Variants in ATP6V1C1 observed in about 807,000 individuals in gnomAD.
ATP6V1C1 encodes V-type proton ATPase subunit C 1.
Under a neutral mutation model 53.9 loss-of-function variants are expected in ATP6V1C1, and 45 were observed. The observed-to-expected ratio is 0.83, with a 90% CI of 0.66 to 1.07. The LOEUF (loss-of-function observed/expected upper bound fraction) is 1.07. Among genes scored for constraint, ATP6V1C1 ranks in the 50% least tolerant of loss-of-function variants. ATP6V1C1 has a pLI of 0.00. For missense variants in ATP6V1C1, 315 were observed against 440.3 expected (o/e 0.72, Z 2.55); for synonymous variants, 153 against 155.2 (o/e 0.99, Z 0.11).
intron 1 of ATP6V1C1, among the ~76,000 whole-genome samples, chr8:103,031,084 A>G (rs1816789270): frequency 6.6e-6 from 1 of 152,226 alleles, no homozygotes; most frequent in Non-Finnish European, 1.5e-5. Flanking sequence ...GAAGACAGCA[A>G]AGTCCAGTGA....
intron 12 of ATP6V1C1, 140 bp from the exon 13 acceptor site, chr8:103,068,512 G>A: frequency 1.9e-6 from 1 of 533,844 alleles, no homozygotes. Context: ...TGGGAATAAT[G>A]TCTAACTCAG....
intron 3 of ATP6V1C1, among the ~76,000 whole-genome samples, chr8:103,044,108 C>T (rs1378145343): frequency 4.6e-5 from 7 of 151,824 alleles, no homozygotes; most frequent in African/African-American, 1.5e-4. Context: ...AGGCTGGTCT[C>T]GAACTCCTGA....
intron 3 of ATP6V1C1, among the ~76,000 whole-genome samples, chr8:103,047,325 T>G (rs1817115076): frequency 6.6e-6 from 1 of 151,282 alleles, no homozygotes. Flanking sequence ...GAGGATCGCT[T>G]GAGCCCAGAT....
Position 103,048,919 on chromosome 8 carries a change from A to G in ATP6V1C1, c.250A>G (p.Lys84Glu), listed in dbSNP as rs765170881. The G allele has an allele frequency of 5.0e-6, 8 of 1,613,292 alleles. No homozygotes were observed. The East Asian group carries it at 1.6e-4, about 32-fold the overall frequency. ...CATGGCTGATGTATTGGAAGATAGC[A>G]AAGACAAAGTTCAAGAGAATCTGTT... ...QYMADVLEDS[K>E]DKVQENLLAN... Residue 84 changes from lysine (K) to glutamate (E), a missense_variant, in exon 4 of 13, where the codon AAA becomes GAA. Coordinates refer to ENST00000518738, the MANE Select transcript of ATP6V1C1 (RefSeq NM_001695.5).
intron 1 of ATP6V1C1, among the ~76,000 whole-genome samples, chr8:103,040,193 C>T (rs1036147125): frequency 1.3e-5 from 2 of 151,298 alleles, no homozygotes; most frequent in African/African-American, 4.9e-5. Context: ...TGTGGTGGAT[C>T]ACTTGAGGCC....
intron 8 of ATP6V1C1, among the ~76,000 whole-genome samples, chr8:103,057,960 T>G (rs1398388303): frequency 6.6e-6 from 1 of 152,128 alleles, no homozygotes; most frequent in African/African-American, 2.4e-5. Context: ...TTTAGGGCAT[T>G]AGAGCCGTAG....
In ATP6V1C1 at chr8:103,031,985, C is replaced by T. The variant is rs996653423; in HGVS notation, c.-39-8813C>T. On this transcript the variant is annotated intron_variant, in intron 1 of 12. Transcript: ENST00000518738. ...GGATAGGCAGGTTTTTCACATGCTA[C>T]AGAAAGCATATATTGTAAAAAAAAA... Among the ~76,000 whole-genome samples the T allele has an allele frequency of 1.1e-4, 17 of 149,224 alleles. No individual in the cohort carries two copies. In the Admixed American group the frequency reaches 1.1e-3, roughly 10 times the overall value.
intron 3 of ATP6V1C1, 72 bp from the exon 4 acceptor site, chr8:103,048,798 A>G (rs1038813741): frequency 2.3e-6 from 3 of 1,284,946 alleles, no homozygotes; most frequent in African/African-American, 3.0e-5. Flanking sequence ...TCTTTATGTA[A>G]TATGTTCATT....
intron 1 of ATP6V1C1, among the ~76,000 whole-genome samples, chr8:103,027,107 G>A (rs959289263): frequency 3.3e-5 from 5 of 152,110 alleles, no homozygotes; most frequent in African/African-American, 1.2e-4. Context: ...TAAATGTTTC[G>A]CACAGATCAA....
In ATP6V1C1 at chr8:103,053,926, G is replaced by C; in HGVS notation, c.516G>C (p.Lys172Asn). 1 of 1,611,508 alleles carries C rather than the reference G, an allele frequency of 6.2e-7. No individual in the cohort carries two copies. Among genetic ancestry groups the C allele is most frequent in the Non-Finnish European group, 8.5e-7 (1 of 1,178,604 alleles). Residue 172 changes from lysine to asparagine, a missense_variant, in exon 7 of 13, where the codon AAG becomes AAC. By Grantham distance (94) the Lys-to-Asn change is moderately conservative (BLOSUM62 0). Coordinates refer to ENST00000518738, the MANE Select transcript of ATP6V1C1 (RefSeq NM_001695.5). ...GAAGTCTAGCAGAAATTGTGAAGAA[G>C]GATGACTTTGTTCTTGATTCAGAGT... Reference protein sequence around the residue: ...LTRSLAEIVKKDDFVLDSEYL... With the variant: ...LTRSLAEIVKNDDFVLDSEYL...
chr8:103,061,537 C>T (rs775479413), intron 8 of ATP6V1C1, among the ~76,000 whole-genome samples: 5 of 152,056 alleles, frequency 3.3e-5, no homozygotes, highest in Non-Finnish European at 7.4e-5. Flanking sequence ...CATTGTAAAA[C>T]TGAACATTAA....
chr8:103,041,826 C>T (rs1156591867), intron 2 of ATP6V1C1, among the ~76,000 whole-genome samples: 2 of 152,110 alleles, frequency 1.3e-5, no homozygotes, highest in Non-Finnish European at 2.9e-5. Flanking sequence ...GAGCCAAGAT[C>T]ATACCACTGC....
chr8:103,065,205 TA>T (rs1446610762), intron 11 of ATP6V1C1, among the ~76,000 whole-genome samples: 1 of 152,194 alleles, frequency 6.6e-6, no homozygotes, highest in East Asian at 1.9e-4. Context: ...TTGAGATATT[TA>T]AAAAATCATA....
intron 1 of ATP6V1C1, among the ~76,000 whole-genome samples, chr8:103,039,093 A>G (rs1172703544): frequency 2.6e-5 from 4 of 152,226 alleles, no homozygotes; most frequent in African/African-American, 9.6e-5. Context: ...ATAGTTTCTT[A>G]ACATTCATTT....
At chr8:103,034,497 A>G (rs1020672098) in intron 1 of ATP6V1C1, among the ~76,000 whole-genome samples, 27 of 152,220 alleles carry the variant, frequency 1.8e-4, no homozygotes, top group African/African-American at 6.0e-4. Flanking sequence ...ATGAATAAAG[A>G]CATACATATT....
rs569566401 is a variant in ATP6V1C1 at position 103,072,121 on chromosome 8, C to T, written c.*3374C>T. 8.5e-5 allele frequency: 13 copies of T among 152,318 alleles called. No homozygotes were observed. The highest frequency in any genetic ancestry group is 1.9e-4 in the African/African-American group (8 of 41,572). The allele number at this position is 152,318 out of a possible 1,614,324, so 9.4% of individuals were successfully genotyped here. On this transcript the variant is annotated 3_prime_UTR_variant, in exon 13 of 13. Coordinates refer to ENST00000518738, the MANE Select transcript of ATP6V1C1 (RefSeq NM_001695.5). ...AACACATTCCACACTTTGAAATCTT[C>T]GTGGAACAAAAGATATTTGTGGAAC...
chr8:103,045,424 T>C (rs1451690339), intron 3 of ATP6V1C1, among the ~76,000 whole-genome samples: 1 of 152,164 alleles, frequency 6.6e-6, no homozygotes, highest in African/African-American at 2.4e-5. Flanking sequence ...AGTAGGTTAG[T>C]TAAGAGATAG....
intron 1 of ATP6V1C1, among the ~76,000 whole-genome samples, chr8:103,038,479 A>G (rs918192901): frequency 1.3e-5 from 2 of 152,192 alleles, no homozygotes; most frequent in African/African-American, 4.8e-5. Flanking sequence ...TTGAAGACAT[A>G]TCCTGTAATT....
At chr8:103,048,195 A>G (rs938997167) in intron 3 of ATP6V1C1, among the ~76,000 whole-genome samples, 3 of 152,194 alleles carry the variant, frequency 2.0e-5, no homozygotes, top group African/African-American at 7.2e-5. Flanking sequence ...GAAAGAACTG[A>G]CAAGGTCATA....
Sources: gnomAD v4.1 joint callset for allele counts (sites outside exome capture counted in the v4.1 genomes callset) on GRCh38, gnomAD v4.1.1 for gene constraint, MANE v1.5 for transcripts, NCBI Gene and HGNC (gene_info 2026-07-23, HGNC 2026-07-21) for gene names.